The following ARHGAP22 variants were observed in gnomAD, a reference collection of about 807,000 sequenced individuals.
ARHGAP22 encodes the protein Rho GTPase activating protein 22, also known as rho GTPase-activating protein 22.
ARHGAP22 carries 48 observed loss-of-function variants against 59.1 expected under a neutral mutation model. The ratio of observed to expected loss-of-function variants is 0.81; its 90% CI spans 0.64 to 1.03. The LOEUF is 1.03. ARHGAP22 is among the 50% of genes least tolerant of loss of function. ARHGAP22 has a pLI of 0.00. For missense variants in ARHGAP22, 1,015 were observed against 958.7 expected (o/e 1.06, Z -0.78); for synonymous variants, 445 against 416.4 (o/e 1.07, Z -0.84).
chr10:48,627,768 C>T (rs1346126768), intron 1 of ARHGAP22, among the ~76,000 whole-genome samples: 3 of 152,132 alleles, frequency 2.0e-5, no homozygotes, highest in African/African-American at 4.8e-5. Flanking sequence ...TTCTCAGGGC[C>T]CCTGGATGAG....
intron 5 of ARHGAP22, 105 bp from the exon 6 acceptor site, chr10:48,455,239 A>G (rs2046376424): frequency 1.5e-6 from 2 of 1,340,306 alleles, no homozygotes; most frequent in Admixed American, 4.9e-5. Flanking sequence ...TCTCAGGTGC[A>G]TTCTTGGGCG....
chr10:48,466,860 C>T (rs1336870534), intron 4 of ARHGAP22, among the ~76,000 whole-genome samples: 1 of 152,152 alleles, frequency 6.6e-6, no homozygotes, highest in African/African-American at 2.4e-5. Flanking sequence ...GGGGGATCTC[C>T]GGTGTCAAAC....
chr10:48,476,353 A>G (rs894378045), intron 4 of ARHGAP22, among the ~76,000 whole-genome samples: 1 of 152,194 alleles, frequency 6.6e-6, no homozygotes, highest in Admixed American at 6.5e-5. Flanking sequence ...TCCCATCTGC[A>G]GCAGGCACGC....
At position 48,604,830 on chromosome 10, in the gene ARHGAP22, C is replaced by T; in HGVS notation, c.-34G>A. On this transcript the variant is annotated 5_prime_UTR_variant, in exon 1 of 10. Transcript: ENST00000249601. ...AGCCGTCCGGCCAGCCCCGCAGGGC[C>T]GTTCATGCTGTCATCCACTTGCTTT... The T allele has an allele frequency of 2.5e-6, 4 of 1,614,114 alleles. No homozygotes were observed. The highest frequency in any genetic ancestry group is 3.4e-6 in the Non-Finnish European group (4 of 1,180,044).
rs962325036 is a variant in ARHGAP22, at chr10:48,600,886, G to T, written c.34+3877C>A. Among the ~76,000 whole-genome samples the T allele has an allele frequency of 6.6e-5, 10 of 152,188 alleles. No individual in the cohort carries two copies. The South Asian group carries it at 2.1e-3, about 32-fold the overall frequency. ...TAGAGACTGCTGGGTGATTCCCTTTGGTCCTCCTTCTCCAGAGCAGGCTCT... is the reference window on the plus strand; with the variant it reads ...TAGAGACTGCTGGGTGATTCCCTTTTGTCCTCCTTCTCCAGAGCAGGCTCT... On this transcript the variant is annotated intron_variant, in intron 1 of 9. Transcript: ENST00000249601.
rs112346112 is a variant in ARHGAP22, at chr10:48,457,807, G to A, written c.659+1877C>T. Among the ~76,000 whole-genome samples the A allele has an allele frequency of 3.2e-3, 494 of 152,218 alleles. 3 individuals are homozygous for A. The highest frequency in any genetic ancestry group is 9.9e-3 in the African/African-American group (412 of 41,528). ...GGAAAGTGAGGAGGGGGCTTCCTGC[G>A]GAAGGGGCCAGGACAGAAGCCAACA... On this transcript the variant is annotated intron_variant, in intron 5 of 9. Coordinates refer to ENST00000249601, the MANE Select transcript of ARHGAP22 (RefSeq NM_021226.4).
intron 1 of ARHGAP22, among the ~76,000 whole-genome samples, chr10:48,589,326 G>A (rs1266415926): frequency 2.0e-5 from 3 of 151,878 alleles, no homozygotes; most frequent in Non-Finnish European, 4.4e-5. Context: ...GTTTCTTTCC[G>A]CTTCCCCAGC....
chr10:48,517,734 T>C (rs1487393412), intron 3 of ARHGAP22, among the ~76,000 whole-genome samples: 1 of 151,960 alleles, frequency 6.6e-6, no homozygotes, highest in East Asian at 1.9e-4. Flanking sequence ...TCCAAGCAGG[T>C]AGGAGGGGGT....
At chr10:48,481,230 T>C (rs2049287090) in intron 3 of ARHGAP22, among the ~76,000 whole-genome samples, 2 of 152,222 alleles carry the variant, frequency 1.3e-5, no homozygotes, top group Admixed American at 1.3e-4. Flanking sequence ...CTGTGGGCAT[T>C]GCCACCTACC....
intron 1 of ARHGAP22, among the ~76,000 whole-genome samples, chr10:48,588,663 C>T (rs909418266): frequency 6.6e-6 from 1 of 152,188 alleles, no homozygotes; most frequent in Admixed American, 6.5e-5. Context: ...CATGCACACG[C>T]AGGACCATCC....
the ARHGAP22 span, chr10:48,435,024 A>G: frequency 9.5e-7 from 1 of 1,048,326 alleles, no homozygotes; most frequent in South Asian, 1.3e-5. Flanking sequence ...GGGCTGCTGT[A>G]GATGACTACT....
chr10:48,435,006 G>C, the ARHGAP22 span: 1 of 1,609,420 alleles, frequency 6.2e-7, no homozygotes, highest in African/African-American at 1.3e-5. Context: ...AGCAGCAGCT[G>C]GGCCTCTGGG....
upstream of ARHGAP22, among the ~76,000 whole-genome samples, chr10:48,605,772 C>G (rs2135934826): frequency 6.6e-6 from 1 of 152,290 alleles, no homozygotes; most frequent in South Asian, 2.1e-4. Flanking sequence ...TTCAATATCT[C>G]ATTTAACTCT....
chr10:48,490,672 C>G (rs1162091387), intron 3 of ARHGAP22, among the ~76,000 whole-genome samples: 1 of 152,210 alleles, frequency 6.6e-6, no homozygotes, highest in East Asian at 1.9e-4. Flanking sequence ...TTGGGAGCCC[C>G]CTGGACTCTT....
chr10:48,457,641 C>A (rs1033013429), intron 5 of ARHGAP22, among the ~76,000 whole-genome samples: 2 of 152,180 alleles, frequency 1.3e-5, no homozygotes, highest in Non-Finnish European at 2.9e-5. Context: ...GACTGACAGC[C>A]CAGTGCCCAG....
chr10:48,560,916 A>G (rs1337486542), intron 2 of ARHGAP22, among the ~76,000 whole-genome samples: 2 of 151,918 alleles, frequency 1.3e-5, no homozygotes, highest in Admixed American at 1.3e-4. Flanking sequence ...TTGGTTGAAA[A>G]TTTTTTCAAC....
intron 1 of ARHGAP22, among the ~76,000 whole-genome samples, chr10:48,643,293 G>A (rs147451707): frequency 6.8e-4 from 103 of 151,648 alleles, no homozygotes; most frequent in African/African-American, 1.8e-3. Flanking sequence ...TGCACACGCC[G>A]CAATAAACAC....
At chr10:48,495,798 C>T (rs571878604) in intron 3 of ARHGAP22, among the ~76,000 whole-genome samples, 1 of 152,374 alleles carries the variant, frequency 6.6e-6, no homozygotes, top group South Asian at 2.1e-4. Context: ...CATTCCCTCG[C>T]TTGTTCTCTG....
intron 1 of ARHGAP22, among the ~76,000 whole-genome samples, chr10:48,637,124 C>A (rs1158098961): frequency 6.6e-6 from 1 of 152,226 alleles, no homozygotes; most frequent in Non-Finnish European, 1.5e-5. Context: ...CAGAAGCCAA[C>A]CAGGCCTCTA....
Sources: allele counts gnomAD v4.1 joint callset (sites outside exome capture counted in the v4.1 genomes callset), GRCh38; gene constraint gnomAD v4.1.1; transcripts MANE v1.5; gene names NCBI Gene and HGNC (gene_info 2026-07-23, HGNC 2026-07-21).